Variants in P2RY2 observed in about 807,000 individuals in gnomAD.
P2RY2 encodes the protein purinergic receptor P2Y2.
For missense variants in P2RY2, 567 were observed against 515.7 expected, an observed-to-expected ratio of 1.10 and a Z score of -0.96; for synonymous variants, 241 against 231.9, an observed-to-expected ratio of 1.04 and a Z score of -0.35.
intron 2 of P2RY2, among the ~76,000 whole-genome samples, chr11:73,231,358 C>T (rs183743511): frequency 1.2e-4 from 16 of 138,114 alleles, no homozygotes; most frequent in East Asian, 6.5e-4. Flanking sequence ...CCAATGTGGG[C>T]GACATGGCAA....
chr11:73,218,650 G>T (rs929892097), intron 1 of P2RY2: 4 of 152,342 alleles, frequency 2.6e-5, no homozygotes, highest in Non-Finnish European at 4.4e-5. Context: ...CGGGAGCGTC[G>T]GTCTCGGTGA....
Position 73,235,522 on chromosome 11 carries a change from C to T in P2RY2, c.*229C>T. Reference sequence around the variant, plus strand: ...TGTATAAGTTGGGGGAATTAAGTTTCAAGAAAGGCAAGAGCTCAAGGTCAA... The same window carrying T: ...TGTATAAGTTGGGGGAATTAAGTTTTAAGAAAGGCAAGAGCTCAAGGTCAA... On this transcript the variant is annotated 3_prime_UTR_variant, in exon 3 of 3. Transcript: ENST00000393597. 3.9e-6 allele frequency: 5 copies of T among 1,267,238 alleles called. No individual in the cohort carries two copies. Among genetic ancestry groups the T allele is most frequent in the Non-Finnish European group, 5.0e-6 (5 of 1,000,180 alleles). 78.5% of individuals were successfully genotyped at this position (1,267,238 alleles called of 1,614,324 possible).
intron 1 of P2RY2, among the ~76,000 whole-genome samples, chr11:73,225,897 A>C (rs1023208281): frequency 6.6e-6 from 1 of 152,216 alleles, no homozygotes; most frequent in Non-Finnish European, 1.5e-5. Flanking sequence ...CCAGGGCCTG[A>C]GTGCCAGGCT....
Position 73,234,746 on chromosome 11 carries a change from T to TG in P2RY2, c.589dup (p.Ala197GlyfsTer42). 6.2e-7 allele frequency: 1 copy of TG among 1,610,814 alleles called. No individual in the cohort carries two copies. The highest frequency in any genetic ancestry group is 8.5e-7 in the Non-Finnish European group (1 of 1,179,884). On this transcript the variant is annotated frameshift_variant, in exon 3 of 3. Transcript: ENST00000393597. LOFTEE classifies it low-confidence loss of function (END_TRUNC). ...GCACCCGAGCTCTTCAGCCGCTTCGTGGCCTACAGCTCAGTCATGCTGGGC... is the reference window on the plus strand; with the variant it reads ...GCACCCGAGCTCTTCAGCCGCTTCGTGGGCCTACAGCTCAGTCATGCTGGGC...
chr11:73,239,437 G>A lies in P2RY2; in HGVS notation c.*4144G>A, dbSNP rs1474906744. ...GGGCAGCATGGAGAGGAGGAAGAGG[G>A]GGCCCCTAGTAGCAAGCTTCAGAAA... On this transcript the variant is annotated 3_prime_UTR_variant, in exon 3 of 3. Transcript: ENST00000393597. The A allele has an allele frequency of 6.6e-6, 1 of 152,352 alleles. No individual in the cohort carries two copies. The highest frequency in any genetic ancestry group is 1.5e-5 in the Non-Finnish European group (1 of 68,150). The allele number at this position is 152,352 out of a possible 1,614,324, so 9.4% of individuals were successfully genotyped here. A position where few individuals can be genotyped will look rare whatever the true frequency, so the allele number is the denominator to read the frequency against.
In P2RY2 at chr11:73,219,038, G is replaced by A. The variant is rs564837495; in HGVS notation, c.-200+606G>A. 6.6e-5 allele frequency among the ~76,000 whole-genome samples: 10 copies of A among 152,322 alleles called. No individual in the cohort carries two copies. The East Asian group carries it at 1.7e-3, about 26-fold the overall frequency. ...AGAAAGGGTCAGTCAGGAGAAAGGC[G>A]ATACCCCACCCCCCAACCCGAAGGC... On this transcript the variant is annotated intron_variant, in intron 1 of 2. Coordinates refer to ENST00000393597, the MANE Select transcript of P2RY2 (RefSeq NM_002564.4).
chr11:73,225,318 AG>A (rs397848523), intron 1 of P2RY2, among the ~76,000 whole-genome samples: 1 of 152,224 alleles, frequency 6.6e-6, no homozygotes, highest in African/African-American at 2.4e-5. Context: ...AGACTGGGGT[AG>A]GGGCAGAGCC....
intron 1 of P2RY2, among the ~76,000 whole-genome samples, chr11:73,226,210 T>TTG (rs914637327): frequency 6.6e-6 from 1 of 152,148 alleles, no homozygotes; most frequent in Non-Finnish European, 1.5e-5. Context: ...GTCCAGGCTG[T>TTG]ATCAGAGGTT....
chr11:73,238,979 C>G lies in P2RY2; in HGVS notation c.*3686C>G, dbSNP rs1862718570. The G allele has an allele frequency of 6.6e-6, 1 of 152,266 alleles. No homozygotes were observed. The highest frequency in any genetic ancestry group is 1.5e-5 in the Non-Finnish European group (1 of 68,064). 9.4% of individuals were successfully genotyped at this position (152,266 alleles called of 1,614,324 possible). A position where few individuals can be genotyped will look rare whatever the true frequency, so the allele number is the denominator to read the frequency against. The stretch of plus-strand genomic sequence containing the variant: ...GGGTCTCTTGGGCAAGTTACCTAAT[C>G]TTGCAGCACCTCAGTTTTCCCATTT... On this transcript the variant is annotated 3_prime_UTR_variant, in exon 3 of 3. Transcript: ENST00000393597.
chr11:73,221,722 C>A (rs1440451210), intron 1 of P2RY2, among the ~76,000 whole-genome samples: 1 of 152,146 alleles, frequency 6.6e-6, no homozygotes, highest in East Asian at 1.9e-4. Context: ...CTGGCCTTCC[C>A]TTATTACTGG....
intron 1 of P2RY2, among the ~76,000 whole-genome samples, chr11:73,227,172 T>C (rs927103525): frequency 1.3e-5 from 2 of 152,160 alleles, no homozygotes; most frequent in African/African-American, 4.8e-5. Flanking sequence ...AGTGAGAACA[T>C]GCGGTGTTTA....
rs1862638044 is a variant in P2RY2, at chr11:73,235,828, A to G, written c.*535A>G. On this transcript the variant is annotated 3_prime_UTR_variant, in exon 3 of 3. Transcript: ENST00000393597. ...AGCTCTGAGGAGTACCCCCAGCCCAAGAGATGAACATCTGGGGACTAATAT... is the reference window on the plus strand; with the variant it reads ...AGCTCTGAGGAGTACCCCCAGCCCAGGAGATGAACATCTGGGGACTAATAT... The G allele has an allele frequency of 6.0e-6, 6 of 1,000,868 alleles. No homozygotes were observed. The highest frequency in any genetic ancestry group is 7.2e-6 in the Non-Finnish European group (6 of 830,506). 62.0% of individuals were successfully genotyped at this position (1,000,868 alleles called of 1,614,324 possible).
chr11:73,229,797 T>A (rs1369655087), intron 2 of P2RY2, among the ~76,000 whole-genome samples: 2 of 152,032 alleles, frequency 1.3e-5, no homozygotes, highest in African/African-American at 4.8e-5. Flanking sequence ...TTATGTTGAC[T>A]GTGAAGGGAA....
chr11:73,235,033 C>T lies in P2RY2; in HGVS notation c.874C>T (p.Arg292Trp), dbSNP rs761371485. The T allele has an allele frequency of 8.7e-6, 14 of 1,608,180 alleles. No homozygotes were observed. Among genetic ancestry groups the T allele is most frequent in the South Asian group, 7.7e-5 (7 of 91,090 alleles). Residue 292 changes from arginine to tryptophan, a missense_variant, in exon 3 of 3, where the codon CGG becomes TGG. Transcript: ENST00000393597. ...CATCAACATGGCCTACAAGGTTACC[C>T]GGCCGCTGGCCAGTGCTAACAGTTG... ...NAINMAYKVT[R>W]PLASANSCLD...
intron 1 of P2RY2, among the ~76,000 whole-genome samples, chr11:73,218,896 C>A (rs963883138): frequency 3.3e-5 from 5 of 152,158 alleles, no homozygotes; most frequent in African/African-American, 1.2e-4. Flanking sequence ...TGGGTGGCCA[C>A]CTACCATTGG....
intron 1 of P2RY2, among the ~76,000 whole-genome samples, chr11:73,226,880 G>A (rs1399092867): frequency 6.6e-6 from 1 of 152,092 alleles, no homozygotes; most frequent in African/African-American, 2.4e-5. Flanking sequence ...GTGAGGCTTG[G>A]GCCTCAGTTT....
At chr11:73,231,351 A>G (rs1862449182) in intron 2 of P2RY2, among the ~76,000 whole-genome samples, 1 of 147,444 alleles carries the variant, frequency 6.8e-6, no homozygotes, top group South Asian at 2.2e-4. Context: ...TTCGAGACCA[A>G]TGTGGGCGAC....
chr11:73,235,801 T>G lies in P2RY2; in HGVS notation c.*508T>G. 1 of 1,001,322 alleles carries G rather than the reference T, an allele frequency of 1.0e-6. No homozygotes were observed. Among genetic ancestry groups the G allele is most frequent in the Non-Finnish European group, 1.2e-6 (1 of 830,890 alleles). 62.0% of individuals were successfully genotyped at this position (1,001,322 alleles called of 1,614,324 possible). On this transcript the variant is annotated 3_prime_UTR_variant, in exon 3 of 3. Transcript: ENST00000393597. ...GAATGGACTGGGTGCCACGGTGGAC[T>G]TAGCTCTGAGGAGTACCCCCAGCCC...
chr11:73,230,690 G>A (rs1862426817), intron 2 of P2RY2, among the ~76,000 whole-genome samples: 1 of 152,126 alleles, frequency 6.6e-6, no homozygotes, highest in African/African-American at 2.4e-5. Flanking sequence ...TGAACTCCAG[G>A]TAGAAGAAGC....
Sources: gnomAD v4.1 joint callset for allele counts (sites outside exome capture counted in the v4.1 genomes callset) on GRCh38, gnomAD v4.1.1 for gene constraint, MANE v1.5 for transcripts, NCBI Gene and HGNC (gene_info 2026-07-23, HGNC 2026-07-21) for gene names.